The following HDAC9 variants were observed in gnomAD, a reference collection of about 807,000 sequenced individuals.
HDAC9 encodes the protein histone deacetylase 9, also known as MEF-2 interacting transcription repressor (MITR) protein.
In HDAC9, 41 loss-of-function variants were observed where a neutral mutation model predicts 139.4. The observed-to-expected ratio is 0.29, with a 90% confidence interval of 0.23 to 0.38. The LOEUF (loss-of-function observed/expected upper bound fraction) is 0.38. HDAC9 is among the 10% of genes least tolerant of loss of function. The probability of loss-of-function intolerance (pLI) is 1.00; values close to 1 mark genes in which losing one functional copy is unlikely to be tolerated. For synonymous variants in HDAC9, 517 were observed against 476.2 expected (o/e 1.09, Z -1.12); for missense variants, 1,147 against 1,297.0 (o/e 0.88, Z 1.78).
chr7:18,672,840 A>G (rs1584810158), intron 12 of HDAC9, among the ~76,000 whole-genome samples: 1 of 151,952 alleles, frequency 6.6e-6, no homozygotes, highest in Non-Finnish European at 1.5e-5. Context: ...TCCTTATTAT[A>G]TGAGTTGATG....
chr7:18,541,065 T>C (rs1254138879), intron 2 of HDAC9, among the ~76,000 whole-genome samples: 3 of 150,366 alleles, frequency 2.0e-5, no homozygotes, highest in Non-Finnish European at 4.4e-5. Flanking sequence ...ACTAAATACA[T>C]GGCATCTATA....
Position 18,614,533 on chromosome 7 carries a change from C to G in HDAC9, c.665-14817C>G, listed in dbSNP as rs114375426. Reference sequence around the variant, plus strand: ...TTTCTTCCATAATGCCTAGTGTAAACGTTGCACAGAGTAAGTGCTTGGTAA... The same window carrying G: ...TTTCTTCCATAATGCCTAGTGTAAAGGTTGCACAGAGTAAGTGCTTGGTAA... On this transcript the variant is annotated intron_variant, in intron 6 of 25. Coordinates refer to ENST00000686413, the MANE Select transcript of HDAC9 (RefSeq NM_178425.4). Among the ~76,000 whole-genome samples, 907 of 152,106 alleles carry G rather than the reference C, an allele frequency of 6.0e-3. 12 individuals are homozygous for G. Among genetic ancestry groups the G allele is most frequent in the African/African-American group, 0.021 (852 of 41,482 alleles).
At chr7:18,686,696 C>A (rs966870592) in intron 12 of HDAC9, among the ~76,000 whole-genome samples, 1 of 151,742 alleles carries the variant, frequency 6.6e-6, no homozygotes, top group South Asian at 2.1e-4. Context: ...CTTTAACCTA[C>A]CTGGTGGATT....
chr7:18,853,064 A>G (rs1277296820), intron 21 of HDAC9, among the ~76,000 whole-genome samples: 2 of 152,122 alleles, frequency 1.3e-5, no homozygotes, highest in Non-Finnish European at 2.9e-5. Context: ...GAAAGTGTTC[A>G]GAATGTGGAC....
At chr7:18,784,868 C>T (rs1338825366) in intron 16 of HDAC9, among the ~76,000 whole-genome samples, 2 of 151,904 alleles carry the variant, frequency 1.3e-5, no homozygotes, top group African/African-American at 2.4e-5. Flanking sequence ...CAGCCTGCCA[C>T]GTGTGTAGTA....
At chr7:18,170,114 A>C (rs1299300477) in intron 2 of HDAC9, among the ~76,000 whole-genome samples, 1 of 152,174 alleles carries the variant, frequency 6.6e-6, no homozygotes, top group Non-Finnish European at 1.5e-5. Flanking sequence ...CATCCTCTCC[A>C]GCATTTGTTG....
At chr7:18,310,130 G>T (rs778339895) in intron 1 of HDAC9, among the ~76,000 whole-genome samples, 1 of 139,504 alleles carries the variant, frequency 7.2e-6, no homozygotes, top group East Asian at 2.5e-4. Context: ...CTATCCCAAG[G>T]CCTGCCAGAT....
Position 18,623,682 on chromosome 7 carries a change from G to A in HDAC9, c.665-5668G>A, listed in dbSNP as rs922297608. 3.9e-5 allele frequency among the ~76,000 whole-genome samples: 6 copies of A among 152,212 alleles called. No homozygotes were observed. The East Asian group carries it at 7.7e-4, about 20-fold the overall frequency. On this transcript the variant is annotated intron_variant, in intron 6 of 25. Coordinates refer to ENST00000686413, the MANE Select transcript of HDAC9 (RefSeq NM_178425.4). Reference sequence around the variant, plus strand: ...TTGGTGGCTGGGTGCAGTGGCTCACGCTTGTAATCCCAACACTTTGGCAGG... The same window carrying A: ...TTGGTGGCTGGGTGCAGTGGCTCACACTTGTAATCCCAACACTTTGGCAGG...
At chr7:18,447,128 A>G (rs946768501) in intron 1 of HDAC9, among the ~76,000 whole-genome samples, 3 of 152,128 alleles carry the variant, frequency 2.0e-5, no homozygotes, top group Non-Finnish European at 2.9e-5. Context: ...TATTGGCCCT[A>G]GTGTATCTGT....
At chr7:18,554,259 G>A (rs150329253) in intron 2 of HDAC9, among the ~76,000 whole-genome samples, 3 of 146,788 alleles carry the variant, frequency 2.0e-5, no homozygotes, top group South Asian at 2.2e-4. Context: ...CCATAAAAGC[G>A]AAGAAAAGAC....
chr7:18,949,257 T>A (rs1282144742), intron 23 of HDAC9: 1 of 197,100 alleles, frequency 5.1e-6, no homozygotes, highest in Non-Finnish European at 1.0e-5. Flanking sequence ...TCATCTTCAT[T>A]GTCATCATCA....
At chr7:18,152,212 G>A (rs1786833148) in intron 1 of HDAC9, among the ~76,000 whole-genome samples, 1 of 152,014 alleles carries the variant, frequency 6.6e-6, no homozygotes, top group Non-Finnish European at 1.5e-5. Context: ...CATATATTGA[G>A]CAGTATGCTA....
intron 2 of HDAC9, among the ~76,000 whole-genome samples, chr7:18,196,568 A>G (rs911578159): frequency 2.6e-5 from 4 of 152,220 alleles, no homozygotes; most frequent in Non-Finnish European, 5.9e-5. Flanking sequence ...GATGGAAGAA[A>G]AAGGTCAGTA....
chr7:18,648,396 TTGTGTGTGTGTGTATGTG>T (rs1391019305), intron 10 of HDAC9, 52 bp from the exon 11 acceptor site: 9 of 1,206,680 alleles, frequency 7.5e-6, no homozygotes, highest in African/African-American at 1.6e-5. Flanking sequence ...TTTCTTAAAA[TTGTGTGTGTGTGTATGTG>T]TGTGTGTGTG....
chr7:18,710,831 G>A (rs1314474636), intron 12 of HDAC9, among the ~76,000 whole-genome samples: 1 of 152,152 alleles, frequency 6.6e-6, no homozygotes, highest in African/African-American at 2.4e-5. Context: ...ACATTTTGTT[G>A]CTTTATTATT....
At chr7:18,276,954 T>A (rs926114733) in intron 2 of HDAC9, among the ~76,000 whole-genome samples, 1 of 152,170 alleles carries the variant, frequency 6.6e-6, no homozygotes, top group African/African-American at 2.4e-5. Context: ...ATACCTAAAT[T>A]TTTCTTGCAT....
chr7:18,659,656 A>G (rs1248883427), intron 11 of HDAC9, among the ~76,000 whole-genome samples: 1 of 152,092 alleles, frequency 6.6e-6, no homozygotes, highest in Non-Finnish European at 1.5e-5. Context: ...GATGAGTATG[A>G]GCACACACAA....
intron 2 of HDAC9, among the ~76,000 whole-genome samples, chr7:18,205,052 C>T (rs1472927298): frequency 6.6e-6 from 1 of 151,886 alleles, no homozygotes; most frequent in Admixed American, 6.6e-5. Flanking sequence ...CACAAATACA[C>T]ATAGGGAGTT....
chr7:18,813,207 C>T (rs1204358256), intron 17 of HDAC9, among the ~76,000 whole-genome samples: 1 of 151,974 alleles, frequency 6.6e-6, no homozygotes, highest in East Asian at 1.9e-4. Context: ...ATTTGATCAT[C>T]TTCTAGGCAT....
Sources: allele counts gnomAD v4.1 joint callset (sites outside exome capture counted in the v4.1 genomes callset), GRCh38; gene constraint gnomAD v4.1.1; transcripts MANE v1.5; gene names NCBI Gene and HGNC (gene_info 2026-07-23, HGNC 2026-07-21).